Variants in PIWIL4 observed in about 807,000 individuals in gnomAD.
PIWIL4 encodes the protein piwi-like protein 4.
A neutral mutation model predicts 100.9 loss-of-function variants in PIWIL4; 50 were observed. The ratio of observed to expected loss-of-function variants is 0.50; its 90% CI spans 0.39 to 0.63. The LOEUF (loss-of-function observed/expected upper bound fraction) is 0.63. Among genes scored for constraint, PIWIL4 ranks in the 20% least tolerant of loss-of-function variants. PIWIL4 has a pLI of 0.00. For synonymous variants in PIWIL4, 342 were observed against 367.5 expected, an observed-to-expected ratio of 0.93 and a Z score of 0.79; for missense variants, 887 against 1,043.3, an observed-to-expected ratio of 0.85 and a Z score of 2.06.
chr11:94,619,453 A>G (rs1948881892), intron 17 of PIWIL4, among the ~76,000 whole-genome samples: 1 of 152,054 alleles, frequency 6.6e-6, no homozygotes, highest in South Asian at 2.1e-4. Context: ...GTCTCCATGG[A>G]TAATTCTGGA....
intron 4 of PIWIL4, among the ~76,000 whole-genome samples, chr11:94,581,219 T>C (rs919873156): frequency 2.6e-5 from 4 of 152,158 alleles, no homozygotes; most frequent in Admixed American, 2.0e-4. Flanking sequence ...CTTTATAGCA[T>C]GATCTCATTT....
chr11:94,602,748 A>G (rs890949455), intron 12 of PIWIL4, among the ~76,000 whole-genome samples: 3 of 152,248 alleles, frequency 2.0e-5, no homozygotes, highest in Non-Finnish European at 4.4e-5. Flanking sequence ...ACACATAGTT[A>G]CTAATTAATT....
chr11:94,602,207 T>G (rs1016724932), intron 12 of PIWIL4, among the ~76,000 whole-genome samples: 1 of 152,222 alleles, frequency 6.6e-6, no homozygotes, highest in Non-Finnish European at 1.5e-5. Context: ...TAAGCAGTAG[T>G]GTCATTACCT....
chr11:94,607,628 G>C lies in PIWIL4; in HGVS notation c.1828G>C (p.Val610Leu), dbSNP rs749331631. Reference sequence around the variant, plus strand: ...CAAGCTCGGAGGCGAGCTGTGGGCTGTGGAAATACCTGTAAGGACCCTGTC... The same window carrying C: ...CAAGCTCGGAGGCGAGCTGTGGGCTCTGGAAATACCTGTAAGGACCCTGTC... ...TCKLGGELWA[V>L]EIPLKSLMVV... is the part of the protein sequence containing the mutation. The change falls in exon 14 of 20, where the codon GTG becomes CTG. Residue 610 changes from valine to leucine, a missense_variant. Around this residue, in one of 2 missense-constraint regions of PIWIL4, gnomAD observed 741 missense variants for 930.0 expected, o/e 0.80. Coordinates refer to ENST00000299001, the MANE Select transcript of PIWIL4 (RefSeq NM_152431.3). 7 of 1,613,844 alleles carry C rather than the reference G, an allele frequency of 4.3e-6. No homozygotes were observed. The highest frequency in any genetic ancestry group is 1.7e-5 in the Admixed American group (1 of 59,986).
rs145282639 is a variant in PIWIL4 at position 94,613,161 on chromosome 11, A to G, written c.1944-3332A>G. Among the ~76,000 whole-genome samples, 283 of 152,298 alleles carry G rather than the reference A, an allele frequency of 1.9e-3. 4 individuals are homozygous for G. The highest frequency in any genetic ancestry group is 6.4e-3 in the African/African-American group (268 of 41,560). On this transcript the variant is annotated intron_variant, in intron 15 of 19. Transcript: ENST00000299001. Reference sequence around the variant, plus strand: ...TATATGGCAGGTCTAATGGTGATGAACTTCCTCAGTTTGTTGTTTGAAAAC... The same window carrying G: ...TATATGGCAGGTCTAATGGTGATGAGCTTCCTCAGTTTGTTGTTTGAAAAC...
chr11:94,606,601 G>A (rs576012980), intron 13 of PIWIL4, among the ~76,000 whole-genome samples: 7 of 152,178 alleles, frequency 4.6e-5, no homozygotes, highest in East Asian at 1.9e-4. Context: ...AGGCCAGGCC[G>A]GGGTGAGTGG....
intron 7 of PIWIL4, among the ~76,000 whole-genome samples, chr11:94,587,682 G>A (rs187347647): frequency 6.6e-5 from 10 of 152,302 alleles, no homozygotes; most frequent in Admixed American, 3.9e-4. Flanking sequence ...TCCCCTGGGC[G>A]GCGCCCATAG....
At chr11:94,580,505 T>C (rs1219741000) in intron 4 of PIWIL4, among the ~76,000 whole-genome samples, 1 of 152,234 alleles carries the variant, frequency 6.6e-6, no homozygotes, top group Non-Finnish European at 1.5e-5. Context: ...TTGCTATTCA[T>C]GTCCACATCT....
chr11:94,613,189 C>T (rs956014576), intron 15 of PIWIL4, among the ~76,000 whole-genome samples: 1 of 152,122 alleles, frequency 6.6e-6, no homozygotes, highest in African/African-American at 2.4e-5. Flanking sequence ...TTGAAAACTT[C>T]TTTATCTCTT....
chr11:94,608,954 T>G (rs780705365), intron 15 of PIWIL4, among the ~76,000 whole-genome samples: 2 of 152,212 alleles, frequency 1.3e-5, no homozygotes, highest in African/African-American at 4.8e-5. Context: ...TTCTTGTGCA[T>G]TTATTTATTT....
At chr11:94,615,200 T>C (rs556527681) in intron 15 of PIWIL4, among the ~76,000 whole-genome samples, 1 of 152,216 alleles carries the variant, frequency 6.6e-6, no homozygotes, top group South Asian at 2.1e-4. Context: ...CTGATAATCT[T>C]GTTGTTCTGG....
intron 6 of PIWIL4, among the ~76,000 whole-genome samples, 193 bp downstream of exon 6, chr11:94,585,718 A>G (rs1327854655): frequency 2.0e-5 from 3 of 152,188 alleles, no homozygotes; most frequent in Non-Finnish European, 2.9e-5. Flanking sequence ...TTGTTTTCTT[A>G]TATTAGTGTG....
chr11:94,568,702 T>C (rs371015171), intron 1 of PIWIL4, 28 bp from the exon 2 acceptor site: 2 of 1,531,898 alleles, frequency 1.3e-6, no homozygotes, highest in Non-Finnish European at 1.8e-6. Context: ...ATTGTAAATC[T>C]GAACAAAACT....
rs140154259 is a variant in PIWIL4, at chr11:94,608,604, G to A, written c.1861G>A (p.Gly621Ser). The change falls in exon 15 of 20, where the codon GGT becomes AGT. Residue 621 changes from glycine (G) to serine (S), a missense_variant. Around this residue, in one of 2 missense-constraint regions of PIWIL4, gnomAD observed 741 missense variants for 930.0 expected, o/e 0.80. Transcript: ENST00000299001. ...ATAGTTAAAGTCCCTGATGGTGGTCGGTATTGATGTCTGTAAAGATGCACT... is the reference window on the plus strand; with the variant it reads ...ATAGTTAAAGTCCCTGATGGTGGTCAGTATTGATGTCTGTAAAGATGCACT... ...EIPLKSLMVV[G>S]IDVCKDALSK... 1.4e-4 allele frequency: 220 copies of A among 1,613,758 alleles called. 1 individual carries two copies. The highest frequency in any genetic ancestry group is 1.4e-4 in the Non-Finnish European group (171 of 1,179,864).
Position 94,567,539 on chromosome 11 carries a change from G to A in PIWIL4, c.21G>A (p.Val7=), listed in dbSNP as rs1390394130. Residue 7 remains valine, a synonymous_variant, in exon 1 of 20, where the codon GTG becomes GTA. Transcript: ENST00000299001. The part of the protein sequence containing the change: MSGRAR[V]KARGIARSPS... ...GGAACATGAGTGGAAGAGCCCGAGT[G>A]AAGGCCAGAGGCATCGCCCGCAGCC... The A allele has an allele frequency of 3.7e-6, 6 of 1,603,082 alleles. 1 individual carries two copies. In the Admixed American group the frequency reaches 6.8e-5, roughly 18 times the overall value.
intron 17 of PIWIL4, among the ~76,000 whole-genome samples, chr11:94,618,343 G>A (rs567980214): frequency 5.8e-4 from 89 of 152,276 alleles, no homozygotes; most frequent in South Asian, 1.9e-3. Flanking sequence ...GGGAAACCTA[G>A]ACAAAGAAAG....
rs1948540789 is a variant in PIWIL4 at position 94,595,245 on chromosome 11, G to A, written c.1151-64G>A. The A allele has an allele frequency of 1.8e-5, 24 of 1,341,594 alleles. 1 individual carries two copies. The South Asian group carries it at 2.8e-4, about 16-fold the overall frequency. 83.1% of individuals were successfully genotyped at this position (1,341,594 alleles called of 1,614,324 possible). On this transcript the variant is annotated intron_variant, in intron 9 of 19. Coordinates refer to ENST00000299001, the MANE Select transcript of PIWIL4 (RefSeq NM_152431.3). ...CATTCAAGTGGAAAGGTTTAAACTG[G>A]GCCTTTGATGGGCTGAGTTGCTTAT...
At chr11:94,573,195 C>T (rs1350775086) in intron 2 of PIWIL4, among the ~76,000 whole-genome samples, 2 of 152,182 alleles carry the variant, frequency 1.3e-5, no homozygotes, top group African/African-American at 4.8e-5. Flanking sequence ...TGGGCTGAGA[C>T]GATGGGGTGT....
intron 2 of PIWIL4, among the ~76,000 whole-genome samples, chr11:94,574,700 T>A (rs943945384): frequency 1.3e-5 from 2 of 152,106 alleles, no homozygotes; most frequent in African/African-American, 2.4e-5. Context: ...CAGGCTGGTC[T>A]CTAACTCCTG....
Sources: allele counts gnomAD v4.1 joint callset (sites outside exome capture counted in the v4.1 genomes callset), GRCh38; gene constraint gnomAD v4.1.1; regional missense constraint gnomAD v4.1.1; transcripts MANE v1.5; gene names NCBI Gene and HGNC (gene_info 2026-07-23, HGNC 2026-07-21).